The following ZFP90 variants were observed in gnomAD, a reference collection of about 807,000 sequenced individuals.
ZFP90 encodes the protein ZFP90 zinc finger protein.
ZFP90 carries 38 observed loss-of-function variants against 60.8 expected under a neutral mutation model. The ratio of observed to expected loss-of-function variants is 0.62; its 90% CI spans 0.48 to 0.82. The LOEUF (loss-of-function observed/expected upper bound fraction) is 0.82. Ranked by LOEUF, ZFP90 falls within the 40% of genes least tolerant of loss-of-function variation. ZFP90 has a pLI of 0.00. For synonymous variants in ZFP90, 287 were observed against 264.8 expected (o/e 1.08, Z -0.82); for missense variants, 711 against 759.1 (o/e 0.94, Z 0.74).
upstream of ZFP90, among the ~76,000 whole-genome samples, chr16:68,537,009 G>A (rs1037522862): frequency 2.6e-5 from 4 of 152,088 alleles, no homozygotes; most frequent in African/African-American, 9.7e-5. Flanking sequence ...AGGTACATTA[G>A]GCATCTATCT....
rs905596043 is a variant in ZFP90, at chr16:68,567,117, G to A, written c.*2419G>A. Reference sequence around the variant, plus strand: ...CATCATTGTATTCTTTCAATAAATAGCCTTCTGAGTTGAATGGGAGTCAGT... The same window carrying A: ...CATCATTGTATTCTTTCAATAAATAACCTTCTGAGTTGAATGGGAGTCAGT... On this transcript the variant is annotated 3_prime_UTR_variant, in exon 5 of 5. Transcript: ENST00000563169. The A allele has an allele frequency of 1.0e-6, 1 of 985,554 alleles. No homozygotes were observed. Among genetic ancestry groups the A allele is most frequent in the Non-Finnish European group, 1.2e-6 (1 of 829,930 alleles). The allele number at this position is 985,554 out of a possible 1,614,324, so 61.1% of individuals were successfully genotyped here.
At chr16:68,568,279 AGATT>A (rs1472585217), downstream of ZFP90, among the ~76,000 whole-genome samples, 4 of 152,344 alleles carry the variant, frequency 2.6e-5, no homozygotes, top group African/African-American at 9.6e-5. Flanking sequence ...AATTGAGTGG[AGATT>A]GATTGCTAGA....
At chr16:68,546,144 C>T (rs2091145963) in intron 2 of ZFP90, among the ~76,000 whole-genome samples, 2 of 152,194 alleles carry the variant, frequency 1.3e-5, no homozygotes, top group Non-Finnish European at 2.9e-5. Flanking sequence ...CATTGCACTC[C>T]AGCCTGGGCG....
chr16:68,551,497 C>G (rs2091261455), intron 2 of ZFP90, among the ~76,000 whole-genome samples: 1 of 147,190 alleles, frequency 6.8e-6, no homozygotes, highest in South Asian at 2.2e-4. Context: ...TCTTGGCTTA[C>G]TGCAAACTTC....
chr16:68,562,226 T>C (rs369559131), intron 4 of ZFP90: 4 of 152,222 alleles, frequency 2.6e-5, no homozygotes, highest in African/African-American at 7.2e-5. Context: ...TTTTGACAAA[T>C]GCATTCACTT....
intron 4 of ZFP90, among the ~76,000 whole-genome samples, chr16:68,561,534 C>CA (rs1434100063): frequency 6.6e-6 from 1 of 152,146 alleles, no homozygotes; most frequent in Non-Finnish European, 1.5e-5. Context: ...TATAAAAACT[C>CA]AGATTTAATA....
At chr16:68,559,833 A>G (rs563701023) in intron 4 of ZFP90, among the ~76,000 whole-genome samples, 49 of 152,278 alleles carry the variant, frequency 3.2e-4, no homozygotes, top group African/African-American at 1.1e-3. Flanking sequence ...TTGGCCTCCC[A>G]AAGTTCTGGG....
chr16:68,543,029 G>GGGGAGGT (rs2091080007), intron 2 of ZFP90, among the ~76,000 whole-genome samples: 1 of 152,166 alleles, frequency 6.6e-6, no homozygotes, highest in Non-Finnish European at 1.5e-5. Context: ...GGGTCTGAGT[G>GGGGAGGT]GGGAGGTGGG....
At chr16:68,549,548 G>T (rs991855920) in intron 2 of ZFP90, among the ~76,000 whole-genome samples, 1 of 151,920 alleles carries the variant, frequency 6.6e-6, no homozygotes, top group Non-Finnish European at 1.5e-5. Flanking sequence ...GCGTGGTGGC[G>T]GGTGCCTGTA....
chr16:68,568,495 G>A (rs563237042), downstream of ZFP90, among the ~76,000 whole-genome samples: 1 of 152,282 alleles, frequency 6.6e-6, no homozygotes, highest in South Asian at 2.1e-4. Context: ...GCAATATCCA[G>A]TAAAATCAAA....
chr16:68,553,290 A>G lies in ZFP90; in HGVS notation c.34-4708A>G, dbSNP rs530970780. Among the ~76,000 whole-genome samples the G allele has an allele frequency of 9.2e-5, 14 of 152,310 alleles. No homozygotes were observed. In the South Asian group the frequency reaches 2.7e-3, roughly 29 times the overall value. On this transcript the variant is annotated intron_variant, in intron 2 of 4. Coordinates refer to ENST00000563169, the MANE Select transcript of ZFP90 (RefSeq NM_001305203.2). The stretch of plus-strand genomic sequence containing the variant: ...ATGGTGAGGGAAGGTTGCTCTGATA[A>G]GGTGACATTTGAACAAAGAGCTGAA...
upstream of ZFP90, among the ~76,000 whole-genome samples, chr16:68,539,029 C>A (rs2090985336): frequency 2.6e-5 from 4 of 152,250 alleles, no homozygotes; most frequent in Admixed American, 2.6e-4. Context: ...CGTACGATTG[C>A]TCCCCGAAAC....
At position 68,539,954 on chromosome 16, in the gene ZFP90, C is replaced by T. The variant is rs2091010454; in HGVS notation, c.33+129C>T. On this transcript the variant is annotated intron_variant, in intron 2 of 4. Coordinates refer to ENST00000563169, the MANE Select transcript of ZFP90 (RefSeq NM_001305203.2). ...ACTTGCTTGGCTCGATCGGAGCCTC[C>T]TGGCCATGGAAAACCCCAGGCTTTG... The T allele has an allele frequency of 3.8e-6, 5 of 1,331,210 alleles. No homozygotes were observed. The Admixed American group carries it at 6.9e-5, about 18-fold the overall frequency. 82.5% of individuals were successfully genotyped at this position (1,331,210 alleles called of 1,614,324 possible). A position where few individuals can be genotyped will look rare whatever the true frequency, so the allele number is the denominator to read the frequency against.
downstream of ZFP90, among the ~76,000 whole-genome samples, chr16:68,569,526 T>C (rs1048871962): frequency 6.6e-6 from 1 of 152,172 alleles, no homozygotes; most frequent in Admixed American, 6.5e-5. Context: ...TTTTATGACT[T>C]CTCTCTTTAA....
chr16:68,569,763 C>T (rs1273980030), downstream of ZFP90, among the ~76,000 whole-genome samples: 3 of 151,896 alleles, frequency 2.0e-5, no homozygotes, highest in East Asian at 1.9e-4. Context: ...AAATGAGTCT[C>T]ATAACGTGGT....
chr16:68,558,293 G>GT, intron 3 of ZFP90, 169 bp downstream of exon 3: 3 of 1,207,856 alleles, frequency 2.5e-6, no homozygotes, highest in Non-Finnish European at 3.6e-6. Flanking sequence ...TGCTCTTTAG[G>GT]TAAAAGGTCT....
At chr16:68,551,014 G>A (rs1388502420) in intron 2 of ZFP90, among the ~76,000 whole-genome samples, 1 of 152,224 alleles carries the variant, frequency 6.6e-6, no homozygotes, top group Non-Finnish European at 1.5e-5. Flanking sequence ...TAGTTACACG[G>A]TCAACTATCG....
At chr16:68,536,084 C>T (rs1232826667), upstream of ZFP90, among the ~76,000 whole-genome samples, 1 of 152,178 alleles carries the variant, frequency 6.6e-6, no homozygotes, top group Non-Finnish European at 1.5e-5. Flanking sequence ...TTTTCCAGTA[C>T]ATGCACTTTC....
rs895664624 is a variant in ZFP90 at position 68,567,072 on chromosome 16, C to T, written c.*2374C>T. The T allele has an allele frequency of 7.2e-5, 71 of 985,506 alleles. No individual in the cohort carries two copies. The highest frequency in any genetic ancestry group is 3.1e-4 in the Admixed American group (5 of 16,282). 61.0% of individuals were successfully genotyped at this position (985,506 alleles called of 1,614,324 possible). On this transcript the variant is annotated 3_prime_UTR_variant, in exon 5 of 5. Coordinates refer to ENST00000563169, the MANE Select transcript of ZFP90 (RefSeq NM_001305203.2). ...ATGGATACCCAGCCTTTTAGGGCTACGTGAAATGCATCCTTGTAACATCAT... is the reference window on the plus strand; with the variant it reads ...ATGGATACCCAGCCTTTTAGGGCTATGTGAAATGCATCCTTGTAACATCAT...
Sources: gnomAD v4.1 joint callset for allele counts (sites outside exome capture counted in the v4.1 genomes callset) on GRCh38, gnomAD v4.1.1 for gene constraint, MANE v1.5 for transcripts, NCBI Gene and HGNC (gene_info 2026-07-23, HGNC 2026-07-21) for gene names.